The following FBN2 variants were observed in gnomAD, a reference collection of about 807,000 sequenced individuals.
FBN2 encodes fibrillin 2, also known as fibrillin-2.
In FBN2, 105 loss-of-function variants were observed where a neutral mutation model predicts 355.6. The observed-to-expected ratio is 0.30, with a 90% confidence interval of 0.25 to 0.35. FBN2 has a LOEUF of 0.35. Among genes scored for constraint, FBN2 ranks in the 10% least tolerant of loss-of-function variants. The pLI is 1.00. For missense variants in FBN2, 3,280 were observed against 3,758.7 expected, an observed-to-expected ratio of 0.87 and a Z score of 3.33; for synonymous variants, 1,350 against 1,301.2, an observed-to-expected ratio of 1.04 and a Z score of -0.81.
intron 62 of FBN2, among the ~76,000 whole-genome samples, chr5:128,266,130 G>A (rs1406907015): frequency 6.6e-6 from 1 of 152,152 alleles, no homozygotes; most frequent in East Asian, 1.9e-4. Flanking sequence ...CCATATGTTT[G>A]AGTTAAAAAT....
At chr5:128,533,703 A>G (rs534326575) in intron 2 of FBN2, among the ~76,000 whole-genome samples, 4 of 152,308 alleles carry the variant, frequency 2.6e-5, no homozygotes, top group Non-Finnish European at 5.9e-5. Flanking sequence ...AAGGAATTAT[A>G]CCGGAATGCT....
chr5:128,347,133 T>C (rs1044568895), intron 23 of FBN2, among the ~76,000 whole-genome samples: 1 of 152,182 alleles, frequency 6.6e-6, no homozygotes, highest in Non-Finnish European at 1.5e-5. Context: ...AACTCTGGCC[T>C]GAGTCATACT....
intron 7 of FBN2, among the ~76,000 whole-genome samples, chr5:128,425,813 C>A (rs951277554): frequency 1.3e-5 from 2 of 152,146 alleles, no homozygotes; most frequent in African/African-American, 4.8e-5. Context: ...CACTGAGACA[C>A]ATACATGTGC....
At position 128,392,073 on chromosome 5, in the gene FBN2, G is replaced by C. The variant is rs1752529944; in HGVS notation, c.1548C>G (p.Ser516Arg). 6.2e-7 allele frequency: 1 copy of C among 1,613,446 alleles called. No homozygotes were observed. Among genetic ancestry groups the C allele is most frequent in the Non-Finnish European group, 8.5e-7 (1 of 1,179,558 alleles). ...AACCCATGTTGCATTCACATCGGTA[G>C]CTTGAGACAGTTGGTATACAGCGTC... ...LNGRCIPTVSSYRCECNMGYK... is the reference protein window; with the variant it reads ...LNGRCIPTVSRYRCECNMGYK... Residue 516 changes from serine to arginine, a missense_variant, in exon 11 of 65, where the codon AGC becomes AGG. This residue lies in a region of FBN2 where 2,284 missense variants were observed against 2,749.5 expected (regional missense o/e 0.83). Coordinates refer to ENST00000262464, the MANE Select transcript of FBN2 (RefSeq NM_001999.4).
chr5:128,305,016 C>T lies in FBN2; in HGVS notation c.5741G>A (p.Ser1914Asn), dbSNP rs1295429807. The T allele has an allele frequency of 2.5e-6, 4 of 1,613,802 alleles. No homozygotes were observed. Among genetic ancestry groups the T allele is most frequent in the Non-Finnish European group, 3.4e-6 (4 of 1,179,880 alleles). ...SHGLCVDLQG[S>N]YQCICHNGFK... ...GCCATTGTGGCAGATGCACTGGTAA[C>T]TTCCTTGCAGATCAACACACAAGCC... The change falls in exon 45 of 65, where the codon AGT (serine) becomes AAT (asparagine). Residue 1914 changes from serine (S) to asparagine (N), a missense_variant. By Grantham distance (46) the Ser-to-Asn change is conservative. Transcript: ENST00000262464.
rs1388718927 is a variant in FBN2, at chr5:128,334,937, A to C, written c.3974-93T>G. 8.8e-6 allele frequency: 11 copies of C among 1,255,348 alleles called. No homozygotes were observed. In the East Asian group the frequency reaches 2.6e-4, roughly 29 times the overall value. The allele number at this position is 1,255,348 out of a possible 1,614,324, so 77.8% of individuals were successfully genotyped here. On this transcript the variant is annotated intron_variant, in intron 30 of 64. Coordinates refer to ENST00000262464, the MANE Select transcript of FBN2 (RefSeq NM_001999.4). ...TGAATAGCATAATACTGAAATACAC[A>C]GGCAAGATCTAAAATATAATCCATC...
intron 11 of FBN2, among the ~76,000 whole-genome samples, chr5:128,383,477 G>A (rs527371947): frequency 2.6e-5 from 4 of 151,998 alleles, no homozygotes; most frequent in African/African-American, 7.2e-5. Context: ...ATAAAGCTTC[G>A]TCGGAATTAA....
intron 34 of FBN2, among the ~76,000 whole-genome samples, chr5:128,319,804 T>C (rs1750320548): frequency 6.6e-6 from 1 of 152,126 alleles, no homozygotes; most frequent in South Asian, 2.1e-4. Flanking sequence ...CAGGTGAAAA[T>C]CAATGTGTAT....
chr5:128,472,356 G>A (rs1437493091), intron 5 of FBN2, among the ~76,000 whole-genome samples: 3 of 152,148 alleles, frequency 2.0e-5, no homozygotes, highest in African/African-American at 7.2e-5. Context: ...GCAGGGGTTT[G>A]GGGTGGGAGG....
intron 26 of FBN2, 139 bp from the exon 27 acceptor site, chr5:128,338,261 G>A (rs1023749646): frequency 9.1e-6 from 8 of 877,658 alleles, no homozygotes; most frequent in South Asian, 4.3e-5. Context: ...ATGGGATAAC[G>A]CTTTCCTCAC....
intron 5 of FBN2, among the ~76,000 whole-genome samples, chr5:128,496,259 G>A (rs780628160): frequency 2.0e-5 from 3 of 152,086 alleles, no homozygotes; most frequent in Admixed American, 2.0e-4. Flanking sequence ...AATATTCTAT[G>A]TAAATATAAA....
At chr5:128,340,583 T>C (rs980525411) in intron 25 of FBN2, among the ~76,000 whole-genome samples, 20 of 152,120 alleles carry the variant, frequency 1.3e-4, no homozygotes, top group African/African-American at 3.9e-4. Flanking sequence ...TTGGCTAATG[T>C]GATGTGGTGG....
At chr5:128,521,168 A>G (rs1489990144) in intron 4 of FBN2, among the ~76,000 whole-genome samples, 1 of 152,204 alleles carries the variant, frequency 6.6e-6, no homozygotes, top group Non-Finnish European at 1.5e-5. Context: ...CATACACACC[A>G]TGGAATACTA....
intron 5 of FBN2, among the ~76,000 whole-genome samples, chr5:128,484,845 G>A (rs369280207): frequency 1.8e-4 from 28 of 152,080 alleles, no homozygotes; most frequent in African/African-American, 6.3e-4. Flanking sequence ...TGTGCACTCC[G>A]TAGCCCAACT....
At chr5:128,299,903 TA>T (rs999938861) in intron 48 of FBN2, among the ~76,000 whole-genome samples, 2 of 134,190 alleles carry the variant, frequency 1.5e-5, no homozygotes, top group African/African-American at 5.3e-5. Context: ...TATTGTTTAT[TA>T]TTTTTTAAGT....
At chr5:128,377,681 T>C (rs1240436598) in intron 13 of FBN2, 71 bp downstream of exon 13, 1 of 1,512,240 alleles carries the variant, frequency 6.6e-7, no homozygotes, top group East Asian at 2.3e-5. Flanking sequence ...TTCATGGAAA[T>C]AGTACATGGT....
At chr5:128,372,956 T>C (rs1407561805) in intron 15 of FBN2, among the ~76,000 whole-genome samples, 1 of 152,122 alleles carries the variant, frequency 6.6e-6, no homozygotes, top group Non-Finnish European at 1.5e-5. Context: ...TCAATGGGTC[T>C]AAAAAGTGAC....
chr5:128,316,855 T>C (rs1283839990), intron 36 of FBN2, among the ~76,000 whole-genome samples: 1 of 152,188 alleles, frequency 6.6e-6, no homozygotes, highest in East Asian at 1.9e-4. Context: ...TTTTAAGAAA[T>C]ATTGAGGCCC....
chr5:128,381,797 T>C (rs1752241159), intron 11 of FBN2, among the ~76,000 whole-genome samples: 1 of 152,074 alleles, frequency 6.6e-6, no homozygotes, highest in South Asian at 2.1e-4. Context: ...TTATATAGTG[T>C]ACAACCCTAG....
Sources: allele counts gnomAD v4.1 joint callset (sites outside exome capture counted in the v4.1 genomes callset), GRCh38; gene constraint gnomAD v4.1.1; regional missense constraint gnomAD v4.1.1; transcripts MANE v1.5; gene names NCBI Gene and HGNC (gene_info 2026-07-23, HGNC 2026-07-21).